Variants in CXCL3 observed in about 807,000 individuals in gnomAD.
CXCL3 encodes C-X-C motif chemokine ligand 3.
CXCL3 carries 10 observed loss-of-function variants against 11.5 expected under a neutral mutation model. That is an observed-to-expected ratio of 0.87 (90% CI 0.54 to 1.48). CXCL3 has a LOEUF of 1.48. CXCL3 is among the 40% of genes most tolerant of loss of function. The pLI, the probability that CXCL3 is intolerant of heterozygous loss-of-function variation, is 0.00. For missense variants in CXCL3, 149 were observed against 139.1 expected, an observed-to-expected ratio of 1.07 and a Z score of -0.36; for synonymous variants, 61 against 60.9, an observed-to-expected ratio of 1.00 and a Z score of -0.01.
At position 74,036,611 on chromosome 4, in the gene CXCL3, T is replaced by A. The variant is rs201654645; in HGVS notation, c.*651A>T. The A allele has an allele frequency of 6.6e-6, 1 of 152,180 alleles. No homozygotes were observed. The highest frequency in any genetic ancestry group is 1.5e-5 in the Non-Finnish European group (1 of 68,028). 9.4% of individuals were successfully genotyped at this position (152,180 alleles called of 1,614,324 possible). The stretch of plus-strand genomic sequence containing the variant: ...GCCTTTTTTTTCATAAAACTTTTAT[T>A]ATCATGTCATTTGTACAAATGTAAC... On this transcript the variant is annotated 3_prime_UTR_variant, in exon 4 of 4. Transcript: ENST00000296026.
chr4:74,037,084 C>A lies in CXCL3; in HGVS notation c.*178G>T. On this transcript the variant is annotated 3_prime_UTR_variant, in exon 4 of 4. Coordinates refer to ENST00000296026, the MANE Select transcript of CXCL3 (RefSeq NM_002090.3). The stretch of plus-strand genomic sequence containing the variant: ...TGTAAAATATTAAAATACAAGCTTT[C>A]AAAAATAAATACATAAATAAGTAGA... The A allele has an allele frequency of 1.7e-6, 1 of 598,132 alleles. No homozygotes were observed. The highest frequency in any genetic ancestry group is 2.3e-5 in the South Asian group (1 of 43,236). The allele number at this position is 598,132 out of a possible 1,614,324, so 37.1% of individuals were successfully genotyped here.
At chr4:74,037,397 G>T (rs534121480) in intron 3 of CXCL3, 120 bp from the exon 4 acceptor site, 2 of 1,181,100 alleles carry the variant, frequency 1.7e-6, no homozygotes, top group Non-Finnish European at 2.5e-6. Flanking sequence ...CTCAGGGAAG[G>T]TCTGTCTGTA....
chr4:74,038,656 G>A lies in CXCL3; in HGVS notation c.-45C>T. 2.2e-6 allele frequency: 3 copies of A among 1,384,250 alleles called. No homozygotes were observed. The highest frequency in any genetic ancestry group is 2.8e-6 in the Non-Finnish European group (3 of 1,076,942). The allele number at this position is 1,384,250 out of a possible 1,614,324, so 85.7% of individuals were successfully genotyped here. On this transcript the variant is annotated 5_prime_UTR_variant, in exon 1 of 4. Transcript: ENST00000296026. ...GGGAAGCTGTGCGAGAAGCGGGAGAGCTGGCGGGGAGGTGCCTGCGACCCG... is the reference window on the plus strand; with the variant it reads ...GGGAAGCTGTGCGAGAAGCGGGAGAACTGGCGGGGAGGTGCCTGCGACCCG...
At chr4:74,037,423 A>C in intron 3 of CXCL3, 146 bp from the exon 4 acceptor site, 1 of 658,148 alleles carries the variant, frequency 1.5e-6, no homozygotes, top group South Asian at 2.3e-5. Flanking sequence ...TGCCTTCTAT[A>C]GCAGAAAACT....
At position 74,037,216 on chromosome 4, in the gene CXCL3, C is replaced by T. The variant is rs1236850737; in HGVS notation, c.*46G>A. 6.2e-7 allele frequency: 1 copy of T among 1,612,964 alleles called. No individual in the cohort carries two copies. Among genetic ancestry groups the T allele is most frequent in the Non-Finnish European group, 8.5e-7 (1 of 1,179,070 alleles). ...TCTGGTAAGGGCAGGGACCACCCTG[C>T]AGGAAGTGTCAATGATACGCTGATA... On this transcript the variant is annotated 3_prime_UTR_variant, in exon 4 of 4. Coordinates refer to ENST00000296026, the MANE Select transcript of CXCL3 (RefSeq NM_002090.3).
At chr4:74,037,825 T>C (rs547902074) in intron 3 of CXCL3, 14 of 415,606 alleles carry the variant, frequency 3.4e-5, no homozygotes, top group East Asian at 5.7e-5. Context: ...TTGGCATTGT[T>C]AGTCAAATTT....
At chr4:74,037,988 C>T in intron 3 of CXCL3, 105 bp downstream of exon 3, 2 of 1,156,176 alleles carry the variant, frequency 1.7e-6, no homozygotes, top group Non-Finnish European at 2.5e-6. Flanking sequence ...ATTTCTAGTC[C>T]TTCAGCTAAC....
chr4:74,037,116 G>T lies in CXCL3; in HGVS notation c.*146C>A. 1 of 734,282 alleles carries T rather than the reference G, an allele frequency of 1.4e-6. No homozygotes were observed. The highest frequency in any genetic ancestry group is 2.2e-6 in the Non-Finnish European group (1 of 447,654). The allele number at this position is 734,282 out of a possible 1,614,324, so 45.5% of individuals were successfully genotyped here. Reference sequence around the variant, plus strand: ...AAATACATAAATAAGTAGAACCCTCGTAAGAAATAGTCAAACACATTAAGT... The same window carrying T: ...AAATACATAAATAAGTAGAACCCTCTTAAGAAATAGTCAAACACATTAAGT... On this transcript the variant is annotated 3_prime_UTR_variant, in exon 4 of 4. Transcript: ENST00000296026.
chr4:74,038,650 G>A lies in CXCL3; in HGVS notation c.-39C>T. On this transcript the variant is annotated 5_prime_UTR_variant, in exon 1 of 4. Coordinates refer to ENST00000296026, the MANE Select transcript of CXCL3 (RefSeq NM_002090.3). ...CGCGTCGGGAAGCTGTGCGAGAAGC[G>A]GGAGAGCTGGCGGGGAGGTGCCTGC... 3.6e-6 allele frequency: 5 copies of A among 1,389,670 alleles called. No individual in the cohort carries two copies. The highest frequency in any genetic ancestry group is 3.5e-5 in the Admixed American group (1 of 28,718). 86.1% of individuals were successfully genotyped at this position (1,389,670 alleles called of 1,614,324 possible). A position where few individuals can be genotyped will look rare whatever the true frequency, so the allele number is the denominator to read the frequency against.
rs757919280 is a variant in CXCL3 at position 74,038,075 on chromosome 4, A to G, written c.308+18T>C. 1 of 1,613,232 alleles carries G rather than the reference A, an allele frequency of 6.2e-7. No individual in the cohort carries two copies. Among genetic ancestry groups the G allele is most frequent in the African/African-American group, 1.3e-5 (1 of 74,902 alleles). On this transcript the variant is annotated intron_variant, in intron 3 of 3. Coordinates refer to ENST00000296026, the MANE Select transcript of CXCL3 (RefSeq NM_002090.3). ...CCAACGGCTCCAGTCGCCTGTGTAT[A>G]TGGAAATTACAACTCACTTGTTCAG...
rs150268569 is a variant in CXCL3 at position 74,037,769 on chromosome 4, C to A, written c.308+324G>T. The stretch of plus-strand genomic sequence containing the variant: ...GACATTGCATTTTTCAGGTCTGAAG[C>A]CCATTAGGGACTGAGGTAAACGTCC... On this transcript the variant is annotated intron_variant, in intron 3 of 3. Coordinates refer to ENST00000296026, the MANE Select transcript of CXCL3 (RefSeq NM_002090.3). 2.9e-3 allele frequency: 982 copies of A among 338,866 alleles called. 4 individuals are homozygous for A. Among genetic ancestry groups the A allele is most frequent in the Non-Finnish European group, 4.8e-3 (879 of 183,896 alleles). 21.0% of individuals were successfully genotyped at this position (338,866 alleles called of 1,614,324 possible).
Position 74,037,026 on chromosome 4 carries a change from G to T in CXCL3, c.*236C>A. 2.2e-6 allele frequency: 1 copy of T among 463,286 alleles called. No individual in the cohort carries two copies. 28.7% of individuals were successfully genotyped at this position (463,286 alleles called of 1,614,324 possible). A position where few individuals can be genotyped will look rare whatever the true frequency, so the allele number is the denominator to read the frequency against. On this transcript the variant is annotated 3_prime_UTR_variant, in exon 4 of 4. Coordinates refer to ENST00000296026, the MANE Select transcript of CXCL3 (RefSeq NM_002090.3). ...AAATAATCAGGACTGAGCTATGTTTGATGAAACACACTCACATCTTTAAAT... is the reference window on the plus strand; with the variant it reads ...AAATAATCAGGACTGAGCTATGTTTTATGAAACACACTCACATCTTTAAAT...
At chr4:74,037,404 T>C (rs1720017588) in intron 3 of CXCL3, 127 bp from the exon 4 acceptor site, 1 of 1,050,272 alleles carries the variant, frequency 9.5e-7, no homozygotes, top group Admixed American at 2.0e-5. Flanking sequence ...AAGGTCTGTC[T>C]GTACCCACTG....
At chr4:74,037,977 A>T in intron 3 of CXCL3, 116 bp downstream of exon 3, 1 of 1,058,732 alleles carries the variant, frequency 9.4e-7, no homozygotes, top group Non-Finnish European at 1.4e-6. Flanking sequence ...TAATAATCAC[A>T]ATTTCTAGTC....
chr4:74,037,448 C>T (rs77966613), intron 3 of CXCL3, 171 bp from the exon 4 acceptor site: 54 of 313,302 alleles, frequency 1.7e-4, no homozygotes, highest in South Asian at 7.3e-4. Flanking sequence ...CTCCTGAATG[C>T]TTTTTTTTTT....
chr4:74,037,947 G>T, intron 3 of CXCL3, 146 bp downstream of exon 3: 1 of 859,116 alleles, frequency 1.2e-6, no homozygotes, highest in Non-Finnish European at 1.8e-6. Flanking sequence ...TAACCTTAAT[G>T]GCAACTTTAA....
rs1337043988 is a variant in CXCL3, at chr4:74,036,937, C to G, written c.*325G>C. 4.5e-6 allele frequency: 1 copy of G among 220,852 alleles called. No homozygotes were observed. The highest frequency in any genetic ancestry group is 9.0e-6 in the Non-Finnish European group (1 of 110,550). 13.7% of individuals were successfully genotyped at this position (220,852 alleles called of 1,614,324 possible). Reference sequence around the variant, plus strand: ...CCCTGTCATTTATCAAGGTGGCTGACACATTATGGTCTCCCACTAAATATT... The same window carrying G: ...CCCTGTCATTTATCAAGGTGGCTGAGACATTATGGTCTCCCACTAAATATT... On this transcript the variant is annotated 3_prime_UTR_variant, in exon 4 of 4. Transcript: ENST00000296026.
chr4:74,036,663 G>A lies in CXCL3; in HGVS notation c.*599C>T, dbSNP rs182282902. The stretch of plus-strand genomic sequence containing the variant: ...GTAATGATAAATTCTCTTTTCCAAG[G>A]GAAAGAGAAACGCTGCAGAATGGAC... On this transcript the variant is annotated 3_prime_UTR_variant, in exon 4 of 4. Transcript: ENST00000296026. 5 of 152,064 alleles carry A rather than the reference G, an allele frequency of 3.3e-5. No homozygotes were observed. Among genetic ancestry groups the A allele is most frequent in the Admixed American group, 6.5e-5 (1 of 15,274 alleles). 9.4% of individuals were successfully genotyped at this position (152,064 alleles called of 1,614,324 possible). A position where few individuals can be genotyped will look rare whatever the true frequency, so the allele number is the denominator to read the frequency against.
chr4:74,038,219 G>C (rs778809699), intron 2 of CXCL3, 43 bp from the exon 3 acceptor site: 3 of 1,614,040 alleles, frequency 1.9e-6, no homozygotes, highest in South Asian at 1.1e-5. Flanking sequence ...GGTCGGGCTG[G>C]GGACAGGGTT....
Sources: gnomAD v4.1 joint callset for allele counts on GRCh38, gnomAD v4.1.1 for gene constraint, MANE v1.5 for transcripts, NCBI Gene and HGNC (gene_info 2026-07-23, HGNC 2026-07-21) for gene names.